TMEM223: variants seen among roughly 807,000 people sequenced by gnomAD.
TMEM223 encodes the protein transmembrane protein 223.
Under a neutral mutation model 14.1 loss-of-function variants are expected in TMEM223, and 14 were observed. The observed-to-expected ratio is 0.99, with a 90% CI of 0.66 to 1.55. TMEM223 has a LOEUF of 1.55. TMEM223 is among the 40% of genes most tolerant of loss of function. The pLI is 0.00. For synonymous variants in TMEM223, 145 were observed against 120.5 expected, an observed-to-expected ratio of 1.20 and a Z score of -1.33; for missense variants, 346 against 269.9, an observed-to-expected ratio of 1.28 and a Z score of -1.97.
In TMEM223 at chr11:62,791,903, T is replaced by A; in HGVS notation, c.92A>T (p.Gln31Leu). 2.5e-6 allele frequency: 4 copies of A among 1,600,642 alleles called. No individual in the cohort carries two copies. Among genetic ancestry groups the A allele is most frequent in the Non-Finnish European group, 3.4e-6 (4 of 1,174,164 alleles). The stretch of plus-strand genomic sequence containing the variant: ...ATGCTCAAAGAGCAGCACATCCCGT[T>A]GCAGCGTCGTGCCTTGCAGGGGCCG... ...TCRPLQGTTL[Q>L]RDVLLFEHDR... The change falls in exon 1 of 2, where the codon CAA becomes CTA. Residue 31 changes from glutamine (Q) to leucine (L), a missense_variant. Physicochemically the swap from Gln to Leu is moderately radical, Grantham distance 113 (BLOSUM62 -2). Transcript: ENST00000307366.
downstream of TMEM223, chr11:62,787,401 T>C (rs371641883): frequency 6.4e-7 from 1 of 1,557,056 alleles, no homozygotes; most frequent in African/African-American, 1.4e-5. Flanking sequence ...GGGGTGCTGC[T>C]GCAGCGGCGC....
At position 62,771,906 on chromosome 11, in the gene TMEM223, T is replaced by A. The variant is rs117781007; in HGVS notation, c.*200A>T. On this transcript the variant is annotated 3_prime_UTR_variant, in exon 3 of 3. Transcript: ENST00000528367. ...TAGGGAAACTGCAGCTTCACAACGA[T>A]CTATTGGCGGGTCTAGGGTCACCAA... is the stretch of plus-strand genomic sequence containing the variant. 427 of 317,290 alleles carry A rather than the reference T, an allele frequency of 1.3e-3. 3 individuals are homozygous for A. Among genetic ancestry groups the A allele is most frequent in the Middle Eastern group, 4.7e-3 (6 of 1,266 alleles). 19.7% of individuals were successfully genotyped at this position (317,290 alleles called of 1,614,324 possible).
chr11:62,786,475 T>G (rs2084276936), downstream of TMEM223: 1 of 1,581,768 alleles, frequency 6.3e-7, no homozygotes, highest in Non-Finnish European at 8.6e-7. Flanking sequence ...TGGGCCCAGG[T>G]TCCTCGAATT....
chr11:62,780,014 G>T (rs1391153964), intron 1 of TMEM223, among the ~76,000 whole-genome samples: 1 of 116,394 alleles, frequency 8.6e-6, no homozygotes, highest in Admixed American at 1.0e-4. Flanking sequence ...GGGTCTCACT[G>T]TATTGCCCAG....
rs777023389 is a variant in TMEM223 at position 62,790,750 on chromosome 11, C to G, written c.482G>C (p.Gly161Ala). Residue 161 changes from glycine to alanine, a missense_variant, in exon 2 of 2, where the codon GGT becomes GCT. Gly to Ala is a moderately conservative substitution (Grantham distance 60). Transcript: ENST00000307366. ...CAGAGGTAGCATGGCAGGGACTTCA[C>G]CCCGGTGGGCCATGCAAGATACCTG... is the stretch of plus-strand genomic sequence containing the variant. The part of the protein sequence containing the change: ...LKQVSCMAHR[G>A]EVPAMLPLKV... 4 of 1,610,354 alleles carry G rather than the reference C, an allele frequency of 2.5e-6. 1 individual carries two copies. Among genetic ancestry groups the G allele is most frequent in the Middle Eastern group, 1.6e-4 (1 of 6,062 alleles).
chr11:62,789,169 G>C (rs772475297), downstream of TMEM223: 46 of 1,614,036 alleles, frequency 2.9e-5, no homozygotes, highest in Non-Finnish European at 3.8e-5. Flanking sequence ...TCCTGCTTTT[G>C]CTCTTCTGGA....
At chr11:62,776,163 G>C (rs573564053) in intron 1 of TMEM223, among the ~76,000 whole-genome samples, 12 of 152,262 alleles carry the variant, frequency 7.9e-5, no homozygotes, top group African/African-American at 2.9e-4. Flanking sequence ...CAGGCAGAGC[G>C]GGTAGATACT....
downstream of TMEM223, chr11:62,782,577 T>G: frequency 6.8e-7 from 1 of 1,470,402 alleles, no homozygotes; most frequent in East Asian, 2.3e-5. Flanking sequence ...CCTTCTTCAC[T>G]TAACCCCAGC....
rs893824602 is a variant in TMEM223, at chr11:62,778,920, A to G, written c.315-4255T>C. On this transcript the variant is annotated intron_variant, in intron 1 of 2. Coordinates refer to the TMEM223 transcript ENST00000528367. ...GATGACCTTCTCAAGTACTATCACCAGGTGACTCGTGCTGTGCTAGGGGAT... is the reference window on the plus strand; with the variant it reads ...GATGACCTTCTCAAGTACTATCACCGGGTGACTCGTGCTGTGCTAGGGGAT... The G allele has an allele frequency of 1.9e-6, 3 of 1,613,768 alleles. No individual in the cohort carries two copies. The African/African-American group carries it at 4.0e-5, about 22-fold the overall frequency.
At chr11:62,791,072 G>C (rs2084355718) in intron 1 of TMEM223, among the ~76,000 whole-genome samples, 157 bp from the exon 2 acceptor site, 1 of 152,094 alleles carries the variant, frequency 6.6e-6, no homozygotes, top group Non-Finnish European at 1.5e-5. Context: ...GGCCAGGCTG[G>C]AGTGCAGTAC....
chr11:62,789,543 G>A (rs994845641), downstream of TMEM223: 50 of 1,565,310 alleles, frequency 3.2e-5, no homozygotes, highest in Non-Finnish European at 4.3e-5. Flanking sequence ...ACTGGGCACA[G>A]GTGTGCCTCG....
intron 1 of TMEM223, among the ~76,000 whole-genome samples, chr11:62,781,396 G>A (rs1029188463): frequency 6.6e-5 from 10 of 152,052 alleles, no homozygotes; most frequent in Non-Finnish European, 1.2e-4. Context: ...TTGGATGGCC[G>A]GGCGCGGTGG....
At chr11:62,787,307 C>G (rs748715125), downstream of TMEM223, 4 of 1,530,084 alleles carry the variant, frequency 2.6e-6, no homozygotes, top group South Asian at 1.2e-5. Flanking sequence ...GTCAGTGGCC[C>G]CTTCGTTCCT....
At chr11:62,783,854 A>G (rs982882605), downstream of TMEM223, among the ~76,000 whole-genome samples, 5 of 150,674 alleles carry the variant, frequency 3.3e-5, no homozygotes, top group African/African-American at 1.2e-4. Flanking sequence ...TTAATATGAC[A>G]AGTTCTATTC....
chr11:62,786,048 C>A, downstream of TMEM223: 1 of 546,214 alleles, frequency 1.8e-6, no homozygotes, highest in Non-Finnish European at 3.2e-6. Flanking sequence ...TTTTTATTGT[C>A]TCCCTTTGTA....
chr11:62,786,943 G>A (rs1273686508), downstream of TMEM223: 2 of 1,459,522 alleles, frequency 1.4e-6, no homozygotes, highest in Admixed American at 2.6e-5. Flanking sequence ...CCGGGGCAGC[G>A]GCGGAGGCGG....
chr11:62,787,257 G>A, downstream of TMEM223: 1 of 1,567,044 alleles, frequency 6.4e-7, no homozygotes, highest in Non-Finnish European at 8.6e-7. Flanking sequence ...CCGCCCGCCG[G>A]TGGGCGCTCT....
chr11:62,787,605 C>T, downstream of TMEM223: 1 of 1,433,306 alleles, frequency 7.0e-7, no homozygotes, highest in Non-Finnish European at 9.2e-7. Context: ...CGCTTTCCGA[C>T]CGGGCTTGCT....
chr11:62,786,695 C>T, downstream of TMEM223: 2 of 1,612,444 alleles, frequency 1.2e-6, no homozygotes, highest in East Asian at 4.5e-5. Flanking sequence ...CCGCTGCCGC[C>T]AGGGGGCGCG....
Sources: allele counts gnomAD v4.1 joint callset (sites outside exome capture counted in the v4.1 genomes callset), GRCh38; gene constraint gnomAD v4.1.1; transcripts MANE v1.5; gene names NCBI Gene and HGNC (gene_info 2026-07-23, HGNC 2026-07-21).